Variants in PACRG observed in about 807,000 individuals in gnomAD.
PACRG encodes parkin coregulated gene protein.
A neutral mutation model predicts 29.7 loss-of-function variants in PACRG; 29 were observed. That is an observed-to-expected ratio of 0.98 (90% confidence interval 0.73 to 1.33). PACRG has a LOEUF of 1.33. Among genes scored for constraint, PACRG ranks in the 40% most tolerant of loss-of-function variants. The pLI, the probability that PACRG is intolerant of heterozygous loss-of-function variation, is 0.00. For missense variants in PACRG, 279 were observed against 316.2 expected (o/e 0.88, Z 0.89); for synonymous variants, 116 against 118.7 (o/e 0.98, Z 0.15).
chr6:163,241,501 A>G (rs4708982), intron 4 of PACRG, among the ~76,000 whole-genome samples: 61,626 of 152,020 alleles, frequency 0.41, 13,605 homozygotes, highest in African/African-American at 0.6. Flanking sequence ...AGGAGCCCTC[A>G]TACCCTGCAC....
chr6:162,775,314 A>G (rs754675036), intron 1 of PACRG, among the ~76,000 whole-genome samples: 3 of 152,180 alleles, frequency 2.0e-5, no homozygotes, highest in African/African-American at 7.2e-5. Context: ...GACAGCCTAA[A>G]CAGATTAAGA....
chr6:163,204,427 G>GT (rs1780819796), intron 4 of PACRG, among the ~76,000 whole-genome samples: 1 of 152,108 alleles, frequency 6.6e-6, no homozygotes, highest in Non-Finnish European at 1.5e-5. Flanking sequence ...TTTTCTGTGT[G>GT]TTTTTATATG....
upstream of PACRG, chr6:162,727,773 C>G (rs1409091750): frequency 8.2e-7 from 1 of 1,212,460 alleles, no homozygotes; most frequent in Non-Finnish European, 1.2e-6. Flanking sequence ...TCCTCCAGGC[C>G]TCCCCGCCCC....
At chr6:163,084,747 T>C (rs1813389558) in intron 3 of PACRG, among the ~76,000 whole-genome samples, 1 of 148,076 alleles carries the variant, frequency 6.8e-6, no homozygotes, top group Admixed American at 6.8e-5. Context: ...TGAGAGAGAT[T>C]ATTAATGCAT....
intron 4 of PACRG, among the ~76,000 whole-genome samples, chr6:163,258,750 A>C (rs1424636908): frequency 1.5e-5 from 2 of 129,086 alleles, no homozygotes; most frequent in Admixed American, 7.4e-5. Context: ...GCGAGAATCC[A>C]TCTCAAAAAA....
chr6:163,299,028 T>C (rs888033604), intron 4 of PACRG, among the ~76,000 whole-genome samples: 3 of 152,210 alleles, frequency 2.0e-5, no homozygotes, highest in African/African-American at 4.8e-5. Context: ...TCTTATTTAA[T>C]GGTTGGTTAC....
chr6:162,809,021 T>A (rs1460997521), intron 1 of PACRG, among the ~76,000 whole-genome samples: 2 of 152,158 alleles, frequency 1.3e-5, no homozygotes, highest in Non-Finnish European at 2.9e-5. Flanking sequence ...TTCGCTTGAT[T>A]TTTTTTATGT....
chr6:162,743,874 T>C (rs1780786924), intron 1 of PACRG, among the ~76,000 whole-genome samples: 1 of 152,190 alleles, frequency 6.6e-6, no homozygotes, highest in African/African-American at 2.4e-5. Flanking sequence ...GGCTTATTGG[T>C]CCCAGCTCTA....
chr6:163,222,964 A>G (rs1249885095), intron 4 of PACRG, among the ~76,000 whole-genome samples: 2 of 152,364 alleles, frequency 1.3e-5, no homozygotes, highest in South Asian at 2.1e-4. Flanking sequence ...AAGGAAAAGT[A>G]AATGAGACTG....
At chr6:162,947,196 T>A (rs1346398939) in intron 2 of PACRG, among the ~76,000 whole-genome samples, 1 of 149,364 alleles carries the variant, frequency 6.7e-6, no homozygotes, top group Admixed American at 6.7e-5. Flanking sequence ...CCAGATGACA[T>A]GTATGTGTGT....
chr6:162,951,235 A>T (rs1284283594), intron 2 of PACRG, among the ~76,000 whole-genome samples: 1 of 152,242 alleles, frequency 6.6e-6, no homozygotes, highest in Non-Finnish European at 1.5e-5. Flanking sequence ...TTTGGGCTTT[A>T]TAGCAAAAGT....
chr6:163,090,656 G>A (rs1170871414), intron 4 of PACRG, among the ~76,000 whole-genome samples: 1 of 152,134 alleles, frequency 6.6e-6, no homozygotes, highest in Non-Finnish European at 1.5e-5. Context: ...CCATATAGTA[G>A]CAGCAAATAT....
chr6:162,900,706 G>A (rs188974069), intron 2 of PACRG, among the ~76,000 whole-genome samples: 10 of 152,210 alleles, frequency 6.6e-5, no homozygotes, highest in Admixed American at 2.6e-4. Flanking sequence ...TCCCCCAAGC[G>A]TGCCAAGCGC....
At chr6:163,193,965 T>C (rs1386457651) in intron 4 of PACRG, among the ~76,000 whole-genome samples, 1 of 149,940 alleles carries the variant, frequency 6.7e-6, no homozygotes, top group African/African-American at 2.5e-5. Context: ...CGATCTCGGC[T>C]CAGTGCAACC....
chr6:162,733,892 C>A lies in PACRG; in HGVS notation c.156+5501C>A, dbSNP rs953286962. Among the ~76,000 whole-genome samples, 3 of 151,636 alleles carry A rather than the reference C, an allele frequency of 2.0e-5. No homozygotes were observed. The East Asian group carries it at 5.8e-4, about 29-fold the overall frequency. Reference sequence around the variant, plus strand: ...ATCCCTGCTCCAGCACTCCCATCTCCCTTCCCTGTTTTATATTTTTCCCTC... The same window carrying A: ...ATCCCTGCTCCAGCACTCCCATCTCACTTCCCTGTTTTATATTTTTCCCTC... On this transcript the variant is annotated intron_variant, in intron 1 of 4. Transcript: ENST00000366888.
intron 4 of PACRG, among the ~76,000 whole-genome samples, chr6:163,217,640 C>T (rs185530838): frequency 1.3e-5 from 2 of 152,298 alleles, no homozygotes; most frequent in Admixed American, 6.5e-5. Flanking sequence ...TTCATTTCAT[C>T]TCTATTTAGG....
intron 4 of PACRG, among the ~76,000 whole-genome samples, chr6:163,204,888 A>C (rs1462526501): frequency 1.3e-5 from 2 of 152,248 alleles, no homozygotes; most frequent in Non-Finnish European, 2.9e-5. Flanking sequence ...ATATAAAATC[A>C]ATGTACAAAA....
intron 2 of PACRG, among the ~76,000 whole-genome samples, chr6:162,927,197 G>C (rs1215215196): frequency 1.3e-5 from 2 of 152,158 alleles, no homozygotes; most frequent in Non-Finnish European, 2.9e-5. Context: ...CTTTTATACT[G>C]TTGGTGGGAA....
chr6:163,190,266 T>A (rs1443979411), intron 4 of PACRG: 4 of 152,214 alleles, frequency 2.6e-5, no homozygotes, highest in Non-Finnish European at 1.5e-5. Flanking sequence ...ACTACACATT[T>A]GTAAACTAAA....
Sources: allele counts gnomAD v4.1 joint callset (sites outside exome capture counted in the v4.1 genomes callset), GRCh38; gene constraint gnomAD v4.1.1; transcripts MANE v1.5; gene names NCBI Gene and HGNC (gene_info 2026-07-23, HGNC 2026-07-21).